ZNF804A: variants seen among roughly 807,000 people sequenced by gnomAD.
ZNF804A encodes zinc finger protein 804A.
In ZNF804A, 2 loss-of-function variants were observed where a neutral mutation model predicts 16.5. That is an observed-to-expected ratio of 0.12 (90% CI 0.05 to 0.38). The LOEUF is 0.38. Ranked by LOEUF, ZNF804A falls within the 10% of genes least tolerant of loss-of-function variation. The probability of loss-of-function intolerance (pLI) is 0.99; values close to 1 mark genes in which losing one functional copy is unlikely to be tolerated. For synonymous variants in ZNF804A, 534 were observed against 489.6 expected (o/e 1.09, Z -1.20); for missense variants, 1,473 against 1,390.7 (o/e 1.06, Z -0.94).
intron 1 of ZNF804A, among the ~76,000 whole-genome samples, chr2:184,658,468 A>G (rs1483722414): frequency 6.6e-6 from 1 of 152,166 alleles, no homozygotes; most frequent in East Asian, 1.9e-4. Flanking sequence ...GCCAGACTCC[A>G]TCTCGAGGAA....
At chr2:184,838,439 T>C (rs1695387004) in intron 1 of ZNF804A, among the ~76,000 whole-genome samples, 1 of 152,100 alleles carries the variant, frequency 6.6e-6, no homozygotes, top group South Asian at 2.1e-4. Flanking sequence ...AAACTGACCC[T>C]GGCAAGTAGT....
intron 1 of ZNF804A, among the ~76,000 whole-genome samples, chr2:184,827,497 AAT>A (rs1008677508): frequency 6.8e-6 from 1 of 146,420 alleles, no homozygotes; most frequent in Non-Finnish European, 1.5e-5. Context: ...TATATATAAA[AAT>A]ATATATATAT....
At chr2:184,822,798 T>A (rs753846550) in intron 1 of ZNF804A, among the ~76,000 whole-genome samples, 5 of 152,176 alleles carry the variant, frequency 3.3e-5, no homozygotes, top group Non-Finnish European at 7.3e-5. Flanking sequence ...AATACAAATG[T>A]ATACATTGTT....
chr2:184,719,392 G>A (rs1693268485), intron 1 of ZNF804A, among the ~76,000 whole-genome samples: 1 of 152,004 alleles, frequency 6.6e-6, no homozygotes, highest in Non-Finnish European at 1.5e-5. Context: ...TTAACATTTG[G>A]CTCCTCATTC....
chr2:184,678,171 G>T (rs554148829), intron 1 of ZNF804A, among the ~76,000 whole-genome samples: 1 of 152,026 alleles, frequency 6.6e-6, no homozygotes, highest in South Asian at 2.1e-4. Context: ...TAACTTTCGA[G>T]AGCATTATTT....
rs564538110 is a variant in ZNF804A, at chr2:184,852,394, T to A, written c.112-13975T>A. On this transcript the variant is annotated intron_variant, in intron 1 of 3. Coordinates refer to ENST00000302277, the MANE Select transcript of ZNF804A (RefSeq NM_194250.2). ...TATTTTTCCTGTCCTGTTGGTTGTC[T>A]CTTCATCCTATTAATTGTTTCCTTG... 2.0e-4 allele frequency among the ~76,000 whole-genome samples: 31 copies of A among 151,492 alleles called. No homozygotes were observed. The Middle Eastern group carries it at 0.01, about 50-fold the overall frequency.
At position 184,937,539 on chromosome 2, in the gene ZNF804A, A is replaced by C. The variant is rs759781641; in HGVS notation, c.2143A>C (p.Asn715His). 9 of 1,612,370 alleles carry C rather than the reference A, an allele frequency of 5.6e-6. No homozygotes were observed. The highest frequency in any genetic ancestry group is 1.3e-5 in the African/African-American group (1 of 74,926). Residue 715 changes from asparagine (N) to histidine (H), a missense_variant, in exon 4 of 4, where the codon AAT (asparagine) becomes CAT (histidine). By Grantham distance (68) the Asn-to-His change is moderately conservative. Coordinates refer to ENST00000302277, the MANE Select transcript of ZNF804A (RefSeq NM_194250.2). ...NATMIHSGKH[N>H]LTYSRTYCCW... ...AACAATGATACATTCTGGGAAACAT[A>C]ATTTAACATATTCTAGAACTTACTG...
chr2:184,712,939 T>C (rs1255788664), intron 1 of ZNF804A, among the ~76,000 whole-genome samples: 1 of 151,834 alleles, frequency 6.6e-6, no homozygotes, highest in Non-Finnish European at 1.5e-5. Flanking sequence ...CAGTTGTCCA[T>C]CTTTGTTTTT....
At chr2:184,743,023 G>GGT (rs1300596430) in intron 1 of ZNF804A, among the ~76,000 whole-genome samples, 5 of 151,886 alleles carry the variant, frequency 3.3e-5, no homozygotes, top group Admixed American at 3.3e-4. Context: ...GAAAATTTCT[G>GGT]GTATATATAT....
intron 2 of ZNF804A, among the ~76,000 whole-genome samples, chr2:184,885,534 G>T (rs1684875705): frequency 6.6e-6 from 1 of 152,182 alleles, no homozygotes; most frequent in Non-Finnish European, 1.5e-5. Flanking sequence ...CATGGTGTTT[G>T]CAGCAACATG....
intron 1 of ZNF804A, among the ~76,000 whole-genome samples, chr2:184,864,760 G>A (rs1388081741): frequency 1.3e-5 from 2 of 151,488 alleles, no homozygotes; most frequent in Non-Finnish European, 2.9e-5. Context: ...TCTAGTTTGT[G>A]TATTTAAGGA....
intron 1 of ZNF804A, among the ~76,000 whole-genome samples, chr2:184,855,155 T>C (rs1179025045): frequency 6.6e-6 from 1 of 152,024 alleles, no homozygotes; most frequent in African/African-American, 2.4e-5. Flanking sequence ...ACAGCCCCTA[T>C]AGAAATTAAG....
chr2:184,909,363 C>T (rs1275801371), intron 2 of ZNF804A, among the ~76,000 whole-genome samples: 2 of 151,994 alleles, frequency 1.3e-5, no homozygotes, highest in Non-Finnish European at 2.9e-5. Flanking sequence ...CTTATTACAA[C>T]ATAGATGTAT....
intron 1 of ZNF804A, among the ~76,000 whole-genome samples, chr2:184,696,495 T>A (rs997935889): frequency 6.6e-5 from 10 of 152,286 alleles, no homozygotes; most frequent in African/African-American, 2.4e-4. Flanking sequence ...TCTAGAATGT[T>A]GTTCTAAAGG....
At chr2:184,822,675 G>T (rs1366809578) in intron 1 of ZNF804A, among the ~76,000 whole-genome samples, 1 of 152,014 alleles carries the variant, frequency 6.6e-6, no homozygotes, top group Non-Finnish European at 1.5e-5. Context: ...TAAAAGGTAG[G>T]ATAGAACTTT....
At chr2:184,837,797 T>C (rs1163655677) in intron 1 of ZNF804A, among the ~76,000 whole-genome samples, 2 of 152,152 alleles carry the variant, frequency 1.3e-5, no homozygotes, top group Non-Finnish European at 2.9e-5. Flanking sequence ...CTACAAGATA[T>C]ACAAGCATTT....
At chr2:184,776,063 A>G (rs1694281452) in intron 1 of ZNF804A, among the ~76,000 whole-genome samples, 1 of 151,652 alleles carries the variant, frequency 6.6e-6, no homozygotes, top group Admixed American at 6.6e-5. Context: ...ACCAGGCACC[A>G]TTTAAAATGA....
intron 2 of ZNF804A, among the ~76,000 whole-genome samples, chr2:184,897,410 ATT>A (rs5836927): frequency 2.8e-5 from 4 of 143,394 alleles, no homozygotes; most frequent in African/African-American, 1.1e-4. Context: ...CAATTTTTGG[ATT>A]TTTCCCCCCC....
At chr2:184,659,768 G>A (rs186169515) in intron 1 of ZNF804A, among the ~76,000 whole-genome samples, 22 of 152,084 alleles carry the variant, frequency 1.4e-4, no homozygotes, top group East Asian at 5.8e-4. Flanking sequence ...AACTCCTTTC[G>A]GAGTTTATTA....
Sources: allele counts gnomAD v4.1 joint callset (sites outside exome capture counted in the v4.1 genomes callset), GRCh38; gene constraint gnomAD v4.1.1; transcripts MANE v1.5; gene names NCBI Gene and HGNC (gene_info 2026-07-23, HGNC 2026-07-21).